RUNDC3A: variants seen among roughly 807,000 people sequenced by gnomAD.
RUNDC3A encodes the protein RUN domain containing 3A, also known as RUN domain-containing protein 3A.
RUNDC3A carries 28 observed loss-of-function variants against 53.9 expected under a neutral mutation model. The observed-to-expected ratio is 0.52, with a 90% confidence interval of 0.38 to 0.71. The LOEUF is 0.71. Ranked by LOEUF, RUNDC3A falls within the 30% of genes least tolerant of loss-of-function variation. The pLI, the probability that RUNDC3A is intolerant of heterozygous loss-of-function variation, is 0.00. For missense variants in RUNDC3A, 491 were observed against 597.3 expected, an observed-to-expected ratio of 0.82 and a Z score of 1.85; for synonymous variants, 232 against 249.4, an observed-to-expected ratio of 0.93 and a Z score of 0.66.
intron 10 of RUNDC3A, chr17:44,317,768 G>T: frequency 1.7e-6 from 1 of 604,592 alleles, no homozygotes; most frequent in South Asian, 2.0e-5. Flanking sequence ...CTCCATGAGG[G>T]CAGGGACCGT....
chr17:44,313,261 C>T lies in RUNDC3A; in HGVS notation c.372+9C>T. ...GCACAGCCCGGGCCAAGGTGAGGGGCCTGAAGCAAGCAACTGCTCTCTGCT... is the reference window on the plus strand; with the variant it reads ...GCACAGCCCGGGCCAAGGTGAGGGGTCTGAAGCAAGCAACTGCTCTCTGCT... On this transcript the variant is annotated intron_variant, in intron 3 of 10. Coordinates refer to ENST00000426726, the MANE Select transcript of RUNDC3A (RefSeq NM_001144825.2). The T allele has an allele frequency of 1.2e-6, 2 of 1,613,652 alleles. No homozygotes were observed. The highest frequency in any genetic ancestry group is 1.7e-6 in the Non-Finnish European group (2 of 1,179,636).
At chr17:44,314,139 T>G (rs1041775455) in intron 4 of RUNDC3A, 1 of 993,006 alleles carries the variant, frequency 1.0e-6, no homozygotes, top group African/African-American at 1.7e-5. Flanking sequence ...ACAGCCCTTC[T>G]GTCTCTCCAA....
Position 44,315,371 on chromosome 17 carries a change from G to C in RUNDC3A, c.795+51G>C, listed in dbSNP as rs1217603628. 1.5e-6 allele frequency: 2 copies of C among 1,295,140 alleles called. No homozygotes were observed. The highest frequency in any genetic ancestry group is 2.0e-6 in the Non-Finnish European group (2 of 1,018,802). 80.2% of individuals were successfully genotyped at this position (1,295,140 alleles called of 1,614,324 possible). On this transcript the variant is annotated intron_variant, in intron 7 of 10. Coordinates refer to ENST00000426726, the MANE Select transcript of RUNDC3A (RefSeq NM_001144825.2). The surrounding 1 kb of genome is among the most constrained non-coding windows in gnomAD (Gnocchi z 6.1). ...GGCGGGCGGGCCGGGCGGGGGATCC[G>C]GGCATCCCGGGGCGGGGCGGGGATG...
Position 44,315,766 on chromosome 17 carries a change from G to T in RUNDC3A, c.953+157G>T. 1.7e-6 allele frequency: 1 copy of T among 584,430 alleles called. No homozygotes were observed. 36.2% of individuals were successfully genotyped at this position (584,430 alleles called of 1,614,324 possible). On this transcript the variant is annotated intron_variant, in intron 8 of 10. Transcript: ENST00000426726. The surrounding 1 kb of genome is among the most constrained non-coding windows in gnomAD (Gnocchi z 6.1). ...GATCCAGCCAGCCCCACCCCGAGAT[G>T]CCCACAATGATCTTCTAACATTGCC...
chr17:44,312,750 G>T, intron 2 of RUNDC3A, 55 bp downstream of exon 2: 5 of 701,862 alleles, frequency 7.1e-6, no homozygotes, highest in Middle Eastern at 8.4e-4. Flanking sequence ...CTCCCCCAGT[G>T]GTCCCTCCCC....
In RUNDC3A at chr17:44,318,482, C is replaced by A. The variant is rs1598335272; in HGVS notation, c.*244C>A. 2 of 533,682 alleles carry A rather than the reference C, an allele frequency of 3.7e-6. No individual in the cohort carries two copies. The highest frequency in any genetic ancestry group is 6.1e-5 in the East Asian group (2 of 32,686). The allele number at this position is 533,682 out of a possible 1,614,324, so 33.1% of individuals were successfully genotyped here. A position where few individuals can be genotyped will look rare whatever the true frequency, so the allele number is the denominator to read the frequency against. On this transcript the variant is annotated 3_prime_UTR_variant, in exon 11 of 11. Transcript: ENST00000426726. ...AAGCCACAGGGAGCCCCTGGGGAAG[C>A]CTGCTCCATTCTTCTGGTGACCTTG...
In RUNDC3A at chr17:44,318,582, T is replaced by G; in HGVS notation, c.*344T>G. 1 of 285,958 alleles carries G rather than the reference T, an allele frequency of 3.5e-6. No individual in the cohort carries two copies. Among genetic ancestry groups the G allele is most frequent in the Non-Finnish European group, 6.8e-6 (1 of 147,222 alleles). 17.7% of individuals were successfully genotyped at this position (285,958 alleles called of 1,614,324 possible). ...TTCCACACCCCCACCTCCCAGTCTC[T>G]AGCCTCTCCATCTGTCTGTGTATGG... On this transcript the variant is annotated 3_prime_UTR_variant, in exon 11 of 11. Coordinates refer to ENST00000426726, the MANE Select transcript of RUNDC3A (RefSeq NM_001144825.2).
At chr17:44,309,632 C>T (rs1005704551) in intron 1 of RUNDC3A, among the ~76,000 whole-genome samples, 1 of 152,106 alleles carries the variant, frequency 6.6e-6, no homozygotes, top group Non-Finnish European at 1.5e-5. Flanking sequence ...GACTCACCCT[C>T]CCTGCCCTGC....
At chr17:44,314,422 C>G in intron 4 of RUNDC3A, 1 of 1,221,948 alleles carries the variant, frequency 8.2e-7, no homozygotes, top group Non-Finnish European at 1.0e-6. Context: ...TTTTTGCGCA[C>G]CTACTGTATA....
At position 44,313,959 on chromosome 17, in the gene RUNDC3A, C is replaced by T. The variant is rs534498581; in HGVS notation, c.458+456C>T. The stretch of plus-strand genomic sequence containing the variant: ...TGCTGGGATTACAGGCATGAGCCAC[C>T]GCTCCTGGCCCCAGGACAAACTTTT... On this transcript the variant is annotated intron_variant, in intron 4 of 10. Coordinates refer to ENST00000426726, the MANE Select transcript of RUNDC3A (RefSeq NM_001144825.2). The T allele has an allele frequency of 6.1e-3, 6,073 of 991,954 alleles. 21 individuals carry two copies. The highest frequency in any genetic ancestry group is 6.8e-3 in the Non-Finnish European group (5,705 of 833,986). 61.4% of individuals were successfully genotyped at this position (991,954 alleles called of 1,614,324 possible).
At chr17:44,317,280 C>T (rs1039018962) in intron 10 of RUNDC3A, among the ~76,000 whole-genome samples, 1 of 152,198 alleles carries the variant, frequency 6.6e-6, no homozygotes, top group Non-Finnish European at 1.5e-5. Context: ...AATCACTTTA[C>T]CTCCATGAGT....
chr17:44,312,732 C>T, intron 2 of RUNDC3A, 37 bp downstream of exon 2: 4 of 1,082,542 alleles, frequency 3.7e-6, no homozygotes, highest in Non-Finnish European at 5.2e-6. Flanking sequence ...GTCCCTCCCC[C>T]AGCGCCCCTC....
At position 44,308,695 on chromosome 17, in the gene RUNDC3A, G is replaced by A. The variant is rs1310588336; in HGVS notation, c.-138G>A. 1 of 483,700 alleles carries A rather than the reference G, an allele frequency of 2.1e-6. No individual in the cohort carries two copies. The highest frequency in any genetic ancestry group is 3.6e-6 in the Non-Finnish European group (1 of 280,824). 30.0% of individuals were successfully genotyped at this position (483,700 alleles called of 1,614,324 possible). A position where few individuals can be genotyped will look rare whatever the true frequency, so the allele number is the denominator to read the frequency against. On this transcript the variant is annotated 5_prime_UTR_variant, in exon 1 of 11. Coordinates refer to ENST00000426726, the MANE Select transcript of RUNDC3A (RefSeq NM_001144825.2). Reference sequence around the variant, plus strand: ...GGAGCGAGGGGGCCGGGCACCGGGCGCAAAGGCAGGGGGATGGCCATGGAA... The same window carrying A: ...GGAGCGAGGGGGCCGGGCACCGGGCACAAAGGCAGGGGGATGGCCATGGAA...
intron 10 of RUNDC3A, chr17:44,317,492 A>G (rs1181290778): frequency 1.3e-6 from 1 of 780,928 alleles, no homozygotes; most frequent in Non-Finnish European, 2.4e-6. Flanking sequence ...CAGGAAGCTC[A>G]GAGCCAAATT....
At chr17:44,317,574 C>T (rs1330711664) in intron 10 of RUNDC3A, 1 of 780,308 alleles carries the variant, frequency 1.3e-6, no homozygotes, top group Non-Finnish European at 2.4e-6. Context: ...CCTGGCTTCA[C>T]CTTGGTTTTT....
intron 2 of RUNDC3A, 38 bp downstream of exon 2, chr17:44,312,733 A>G (rs1018311888): frequency 3.7e-6 from 2 of 543,486 alleles, no homozygotes; most frequent in Admixed American, 1.9e-4. Flanking sequence ...TCCCTCCCCC[A>G]GCGCCCCTCC....
At chr17:44,309,144 C>T (rs1337013004) in intron 1 of RUNDC3A, among the ~76,000 whole-genome samples, 1 of 152,166 alleles carries the variant, frequency 6.6e-6, no homozygotes, top group South Asian at 2.1e-4. Flanking sequence ...CAAGCCTATG[C>T]CCGGGCCTGG....
chr17:44,308,996 C>G, intron 1 of RUNDC3A, 57 bp downstream of exon 1: 3 of 1,238,310 alleles, frequency 2.4e-6, no homozygotes, highest in Non-Finnish European at 3.4e-6. Context: ...TTGGGGTGGA[C>G]TGCGGAAACC....
In RUNDC3A at chr17:44,315,041, G is replaced by C. The variant is rs776085418; in HGVS notation, c.629+32G>C. 4.3e-6 allele frequency: 7 copies of C among 1,612,734 alleles called. No homozygotes were observed. The highest frequency in any genetic ancestry group is 4.2e-6 in the Non-Finnish European group (5 of 1,179,682). ...GGCTCCATGACTGCGGCGGGGCGGG[G>C]GACGGGGCCTCGGGACATCCTGGGG... On this transcript the variant is annotated intron_variant, in intron 6 of 10. Coordinates refer to ENST00000426726, the MANE Select transcript of RUNDC3A (RefSeq NM_001144825.2). The surrounding 1 kb of genome is among the most constrained non-coding windows in gnomAD (Gnocchi z 6.1).
Sources: allele counts gnomAD v4.1 joint callset (sites outside exome capture counted in the v4.1 genomes callset), GRCh38; gene constraint gnomAD v4.1.1; non-coding constraint Gnocchi (gnomAD v3.1); transcripts MANE v1.5; gene names NCBI Gene and HGNC (gene_info 2026-07-23, HGNC 2026-07-21).